TMEM41B: variants seen among roughly 807,000 people sequenced by gnomAD.
The protein encoded by TMEM41B is protein stasimon.
TMEM41B carries 18 observed loss-of-function variants against 31.9 expected under a neutral mutation model. The ratio of observed to expected loss-of-function variants is 0.56; its 90% CI spans 0.39 to 0.84. The LOEUF is 0.84. TMEM41B is among the 40% of genes least tolerant of loss of function. The pLI is 0.00. For synonymous variants in TMEM41B, 144 were observed against 124.3 expected, an observed-to-expected ratio of 1.16 and a Z score of -1.05; for missense variants, 322 against 348.0, an observed-to-expected ratio of 0.93 and a Z score of 0.59.
At chr11:9,296,046 G>A (rs1170796062) in intron 2 of TMEM41B, among the ~76,000 whole-genome samples, 1 of 150,188 alleles carries the variant, frequency 6.7e-6, no homozygotes, top group Non-Finnish European at 1.5e-5. Context: ...TAGTAGAGAC[G>A]GGGTTTCACC....
At chr11:9,305,220 T>TG (rs1427325909) in intron 1 of TMEM41B, among the ~76,000 whole-genome samples, 2 of 152,126 alleles carry the variant, frequency 1.3e-5, no homozygotes, top group East Asian at 3.8e-4. Flanking sequence ...ATATAAGTAT[T>TG]GAGTTTTCTG....
intron 6 of TMEM41B, 43 bp downstream of exon 6, chr11:9,286,412 T>C (rs769110825): frequency 5.7e-6 from 9 of 1,572,810 alleles, no homozygotes; most frequent in Admixed American, 3.7e-5. Flanking sequence ...CTGTTAGATA[T>C]GTACACAGTG....
intron 3 of TMEM41B, 132 bp downstream of exon 3, chr11:9,295,127 T>C (rs1026248555): frequency 6.4e-6 from 7 of 1,087,762 alleles, no homozygotes; most frequent in Admixed American, 4.0e-5. Context: ...ATTTTAATTT[T>C]TCAATTATTT....
At position 9,283,215 on chromosome 11, in the gene TMEM41B, T is replaced by C. The variant is rs1007357086; in HGVS notation, c.*209A>G. On this transcript the variant is annotated 3_prime_UTR_variant, in exon 7 of 7. Coordinates refer to ENST00000528080, the MANE Select transcript of TMEM41B (RefSeq NM_015012.4). Reference sequence around the variant, plus strand: ...ATGTCTAAGATGTCTACCTTAACTATTGATAGCACTTTTCACAGTATACCA... The same window carrying C: ...ATGTCTAAGATGTCTACCTTAACTACTGATAGCACTTTTCACAGTATACCA... 1.8e-5 allele frequency: 8 copies of C among 440,870 alleles called. No individual in the cohort carries two copies. In the East Asian group the frequency reaches 2.4e-4, roughly 13 times the overall value. The allele number at this position is 440,870 out of a possible 1,614,324, so 27.3% of individuals were successfully genotyped here.
In TMEM41B at chr11:9,283,480, C is replaced by T. The variant is rs933988695; in HGVS notation, c.820G>A (p.Val274Ile). ...AAGATGGCTGGCAGAATAGAAAGAA[C>T]AGCCAAGATCATCAGAATAAATATT... ...NSIFILMILA[V>I]LSILPAIFQK... The change falls in exon 7 of 7, where the codon GTT (valine) becomes ATT (isoleucine). Residue 274 changes from valine to isoleucine, a missense_variant. Coordinates refer to ENST00000528080, the MANE Select transcript of TMEM41B (RefSeq NM_015012.4). 5.6e-6 allele frequency: 9 copies of T among 1,611,668 alleles called. No individual in the cohort carries two copies. Among genetic ancestry groups the T allele is most frequent in the Non-Finnish European group, 5.1e-6 (6 of 1,179,400 alleles).
intron 1 of TMEM41B, among the ~76,000 whole-genome samples, chr11:9,307,303 A>C (rs1853421460): frequency 1.3e-5 from 2 of 152,194 alleles, no homozygotes; most frequent in African/African-American, 4.8e-5. Context: ...ACAGGCCAAC[A>C]AGTCTCTTAA....
intron 1 of TMEM41B, among the ~76,000 whole-genome samples, chr11:9,301,499 C>A (rs1564965547): frequency 6.6e-6 from 1 of 152,190 alleles, no homozygotes; most frequent in Non-Finnish European, 1.5e-5. Context: ...CCTATACTCT[C>A]TTTAGCAAAT....
chr11:9,306,662 G>A (rs1414873966), intron 1 of TMEM41B, among the ~76,000 whole-genome samples: 5 of 152,026 alleles, frequency 3.3e-5, no homozygotes, highest in Non-Finnish European at 7.4e-5. Context: ...CTCTAGCCTG[G>A]GCGATAGAGC....
chr11:9,312,545 G>A (rs972033191), intron 1 of TMEM41B, among the ~76,000 whole-genome samples: 2 of 152,132 alleles, frequency 1.3e-5, no homozygotes, highest in African/African-American at 2.4e-5. Flanking sequence ...GTGAAGGCAC[G>A]CCTTCACATC....
chr11:9,297,267 T>C (rs1214293272), intron 2 of TMEM41B, among the ~76,000 whole-genome samples: 1 of 152,176 alleles, frequency 6.6e-6, no homozygotes, highest in South Asian at 2.1e-4. Flanking sequence ...TTATTTTTAG[T>C]AGAGATGGGG....
At chr11:9,292,612 C>T (rs1013540879) in intron 3 of TMEM41B, among the ~76,000 whole-genome samples, 2 of 151,990 alleles carry the variant, frequency 1.3e-5, no homozygotes, top group Non-Finnish European at 2.9e-5. Flanking sequence ...ATCACTTGAG[C>T]CCAAGAGTTC....
intron 2 of TMEM41B, among the ~76,000 whole-genome samples, chr11:9,298,435 G>A (rs1221870641): frequency 4.2e-5 from 6 of 144,240 alleles, no homozygotes; most frequent in African/African-American, 7.8e-5. Context: ...CTCCAGCCTG[G>A]GCAACTATCT....
chr11:9,311,370 T>C, intron 1 of TMEM41B: 2 of 1,482,276 alleles, frequency 1.3e-6, no homozygotes, highest in South Asian at 1.1e-5. Flanking sequence ...CTGTATCTTC[T>C]TGCCCACTAT....
chr11:9,309,453 A>G (rs190503776), intron 1 of TMEM41B, among the ~76,000 whole-genome samples: 1 of 147,494 alleles, frequency 6.8e-6, no homozygotes, highest in East Asian at 2.1e-4. Context: ...AGCAAACCAT[A>G]CTAATGCTTT....
At chr11:9,311,390 T>C (rs1853556866) in intron 1 of TMEM41B, 3 of 1,452,640 alleles carry the variant, frequency 2.1e-6, no homozygotes, top group Non-Finnish European at 2.9e-6. Context: ...TCACTGCTGG[T>C]CCAACCATGC....
At chr11:9,293,123 T>C (rs1852997329) in intron 3 of TMEM41B, among the ~76,000 whole-genome samples, 1 of 152,190 alleles carries the variant, frequency 6.6e-6, no homozygotes, top group African/African-American at 2.4e-5. Context: ...GTTTATTTAT[T>C]TGAGATACAG....
chr11:9,303,338 C>T (rs1853301393), intron 1 of TMEM41B, among the ~76,000 whole-genome samples: 1 of 152,110 alleles, frequency 6.6e-6, no homozygotes, highest in African/African-American at 2.4e-5. Flanking sequence ...GGGGGTTTCA[C>T]CATGTTAGCC....
chr11:9,291,026 G>C (rs181360936), intron 3 of TMEM41B, among the ~76,000 whole-genome samples: 1 of 152,176 alleles, frequency 6.6e-6, no homozygotes, highest in East Asian at 1.9e-4. Flanking sequence ...TGGGAAACGA[G>C]AATCTCTTGA....
At chr11:9,308,991 T>C (rs1853466112) in intron 1 of TMEM41B, among the ~76,000 whole-genome samples, 2 of 152,126 alleles carry the variant, frequency 1.3e-5, no homozygotes, top group South Asian at 4.1e-4. Context: ...CTAACACCTA[T>C]AATCCCAGCA....
Sources: gnomAD v4.1 joint callset for allele counts (sites outside exome capture counted in the v4.1 genomes callset) on GRCh38, gnomAD v4.1.1 for gene constraint, MANE v1.5 for transcripts, NCBI Gene and HGNC (gene_info 2026-07-23, HGNC 2026-07-21) for gene names.